Variants in TPM1 observed in about 807,000 individuals in gnomAD.
TPM1 encodes the protein tropomyosin 1.
In TPM1, 24 loss-of-function variants were observed where a neutral mutation model predicts 42.9. That is an observed-to-expected ratio of 0.56 (90% CI 0.41 to 0.79). The LOEUF is 0.79. Ranked by LOEUF, TPM1 falls within the 30% of genes least tolerant of loss-of-function variation. The pLI, the probability that TPM1 is intolerant of heterozygous loss-of-function variation, is 0.00. For missense variants in TPM1, 158 were observed against 351.8 expected (o/e 0.45, Z 4.41); for synonymous variants, 136 against 130.1 (o/e 1.05, Z -0.31).
intron 3 of TPM1, 78 bp downstream of exon 3, chr15:63,057,196 G>A (rs1317036195): frequency 6.3e-6 from 10 of 1,598,402 alleles, no homozygotes; most frequent in Non-Finnish European, 7.7e-6. Flanking sequence ...TGATCTTTGA[G>A]GTTTAAGAAT....
At chr15:63,064,228 T>C in intron 9 of TPM1, 86 bp downstream of exon 9, 1 of 1,558,724 alleles carries the variant, frequency 6.4e-7, no homozygotes. Flanking sequence ...TGCTCCCTAA[T>C]CTCCATCTTT....
downstream of TPM1, among the ~76,000 whole-genome samples, chr15:63,067,946 C>G: frequency 6.6e-6 from 1 of 152,238 alleles, no homozygotes; most frequent in East Asian, 1.9e-4. Context: ...TGAAGCAGAG[C>G]AGATCCAGAG....
intron 2 of TPM1, chr15:63,048,728 C>G (rs1336563131): frequency 6.5e-7 from 1 of 1,530,908 alleles, no homozygotes; most frequent in Middle Eastern, 1.7e-4. Flanking sequence ...CACCCATCAC[C>G]CCGCAGCCCC....
chr15:63,066,906 C>A (rs1293722901), downstream of TPM1, among the ~76,000 whole-genome samples: 1 of 147,774 alleles, frequency 6.8e-6, no homozygotes, highest in African/African-American at 2.5e-5. Flanking sequence ...TTTTTTTTTT[C>A]CCAAAAAGAT....
At chr15:63,068,907 G>A (rs112894511), downstream of TPM1, among the ~76,000 whole-genome samples, 3,385 of 152,202 alleles carry the variant, frequency 0.022, 144 homozygotes, top group African/African-American at 0.078. Flanking sequence ...CCAGCACTTC[G>A]GGAGGCTGAG....
At chr15:63,070,283 T>C (rs1327385073), downstream of TPM1, 14 of 976,248 alleles carry the variant, frequency 1.4e-5, no homozygotes, top group South Asian at 4.6e-5. Context: ...AGTCCTACTT[T>C]AAGTATGTAT....
chr15:63,060,812 T>C, intron 4 of TPM1, 57 bp from the exon 5 acceptor site: 2 of 1,597,914 alleles, frequency 1.3e-6, no homozygotes. Context: ...CCCATGCCCT[T>C]CTGTTACACA....
downstream of TPM1, among the ~76,000 whole-genome samples, chr15:63,068,029 A>G (rs993189113): frequency 6.6e-6 from 1 of 152,206 alleles, no homozygotes; most frequent in Admixed American, 6.5e-5. Context: ...GATTTTCTCC[A>G]AAGTTCTTCC....
At chr15:63,049,900 T>C (rs926938000) in intron 2 of TPM1, among the ~76,000 whole-genome samples, 1 of 152,214 alleles carries the variant, frequency 6.6e-6, no homozygotes, top group African/African-American at 2.4e-5. Flanking sequence ...CCGACTCCCT[T>C]ACTCGCTAGT....
At chr15:63,060,680 G>C (rs953190770) in intron 4 of TPM1, among the ~76,000 whole-genome samples, 189 bp from the exon 5 acceptor site, 2 of 152,200 alleles carry the variant, frequency 1.3e-5, no homozygotes, top group Admixed American at 6.5e-5. Flanking sequence ...CAAAGCAGAA[G>C]CCTCTGATCT....
At position 63,052,830 on chromosome 15, in the gene TPM1, A is replaced by G. The variant is rs117869902; in HGVS notation, c.241-4155A>G. Among the ~76,000 whole-genome samples, 904 of 152,296 alleles carry G rather than the reference A, an allele frequency of 5.9e-3. 6 individuals are homozygous for G. Among genetic ancestry groups the G allele is most frequent in the Middle Eastern group, 6.8e-3 (2 of 294 alleles). ...GTGAGAGGTGTGGGGCTTTTGGAAC[A>G]TAGAGCATAATAAATCAGAATAAAA... On this transcript the variant is annotated intron_variant, in intron 2 of 9. Transcript: ENST00000403994.
intron 2 of TPM1, chr15:63,045,879 C>T (rs1480169914): frequency 1.3e-5 from 2 of 152,112 alleles, no homozygotes; most frequent in East Asian, 3.8e-4. Flanking sequence ...GCCCCTAAAT[C>T]TGGCATATAT....
At chr15:63,063,447 C>T (rs978586514) in intron 8 of TPM1, 21 of 901,948 alleles carry the variant, frequency 2.3e-5, no homozygotes, top group Non-Finnish European at 2.7e-5. Context: ...AAGTGTGGCG[C>T]CCATTGCTTT....
downstream of TPM1, chr15:63,069,762 G>T: frequency 7.1e-7 from 1 of 1,403,034 alleles, no homozygotes. Context: ...ACCAGTTGCT[G>T]TCCTGCTTGA....
chr15:63,048,781 CTT>C (rs1491461661), intron 2 of TPM1: 5 of 1,501,476 alleles, frequency 3.3e-6, no homozygotes, highest in African/African-American at 2.9e-5. Flanking sequence ...GGCCCTCCTG[CTT>C]CCCCCCCCGC....
At chr15:63,070,903 T>C, downstream of TPM1, 1 of 1,383,372 alleles carries the variant, frequency 7.2e-7, no homozygotes. Context: ...CATGGCTCCT[T>C]TGGGTCAAAG....
intron 2 of TPM1, chr15:63,044,967 T>C (rs1434702992): frequency 6.6e-6 from 1 of 151,898 alleles, no homozygotes; most frequent in Non-Finnish European, 1.5e-5. Context: ...AGCTTTTTAA[T>C]TGATAGCTTG....
downstream of TPM1, chr15:63,071,056 C>T (rs767133184): frequency 1.9e-5 from 30 of 1,613,226 alleles, no homozygotes; most frequent in Non-Finnish European, 2.5e-5. Context: ...CAAAGCACAG[C>T]TATTCATGAC....
Position 63,064,128 on chromosome 15 carries a change from C to T in TPM1, c.837C>T (p.Asn279=), listed in dbSNP as rs397516393. The part of the protein sequence containing the change: ...AISEELDHAL[N]DMTSI ...GCGAGGAGCTGGACCACGCTCTCAA[C>T]GATATGACTTCCATGTAAACGTTCA... The change falls in exon 9 of 10, where the codon AAC becomes AAT. Residue 279 remains asparagine (N), a synonymous_variant. Transcript: ENST00000403994. 20 of 1,613,882 alleles carry T rather than the reference C, an allele frequency of 1.2e-5. No individual in the cohort carries two copies. Among genetic ancestry groups the T allele is most frequent in the Middle Eastern group, 1.6e-4 (1 of 6,084 alleles).
Sources: gnomAD v4.1 joint callset for allele counts (sites outside exome capture counted in the v4.1 genomes callset) on GRCh38, gnomAD v4.1.1 for gene constraint, MANE v1.5 for transcripts, NCBI Gene and HGNC (gene_info 2026-07-23, HGNC 2026-07-21) for gene names.